The following HK3 variants were observed in gnomAD, a reference collection of about 807,000 sequenced individuals.
The protein encoded by HK3 is hexokinase-3.
Under a neutral mutation model 91.0 loss-of-function variants are expected in HK3, and 93 were observed. The observed-to-expected ratio is 1.02, with a 90% confidence interval of 0.86 to 1.21. The LOEUF (loss-of-function observed/expected upper bound fraction) is 1.21, where lower values mean the gene tolerates loss of function less well. Among genes scored for constraint, HK3 ranks in the 50% most tolerant of loss-of-function variants. The pLI, the probability that HK3 is intolerant of heterozygous loss-of-function variation, is 0.00. For synonymous variants in HK3, 519 were observed against 516.9 expected, an observed-to-expected ratio of 1.00 and a Z score of -0.06; for missense variants, 1,235 against 1,247.4, an observed-to-expected ratio of 0.99 and a Z score of 0.15.
At chr5:176,883,014 A>T (rs1758485544) in intron 15 of HK3, among the ~76,000 whole-genome samples, 1 of 152,156 alleles carries the variant, frequency 6.6e-6, no homozygotes, top group South Asian at 2.1e-4. Context: ...TCCCCAACAG[A>T]GCCAAATCCT....
intron 2 of HK3, among the ~76,000 whole-genome samples, chr5:176,892,181 A>G (rs1758794886): frequency 6.6e-6 from 1 of 152,244 alleles, no homozygotes; most frequent in Non-Finnish European, 1.5e-5. Flanking sequence ...GGTGGGAGAC[A>G]GAAATTAAGC....
Position 176,880,965 on chromosome 5 carries a change from T to C in HK3, c.*108A>G, listed in dbSNP as rs573646510. 119 of 1,317,052 alleles carry C rather than the reference T, an allele frequency of 9.0e-5. No individual in the cohort carries two copies. Among genetic ancestry groups the C allele is most frequent in the Non-Finnish European group, 1.2e-4 (114 of 984,424 alleles). The allele number at this position is 1,317,052 out of a possible 1,614,324, so 81.6% of individuals were successfully genotyped here. The stretch of plus-strand genomic sequence containing the variant: ...CAAATGGCCGCAGAGGGGTCACACA[T>C]GGGATGTCCCAGGAGTCCTGGGTGG... On this transcript the variant is annotated 3_prime_UTR_variant, in exon 19 of 19. Transcript: ENST00000292432.
chr5:176,893,023 G>A (rs550187646), intron 2 of HK3, among the ~76,000 whole-genome samples: 1 of 152,200 alleles, frequency 6.6e-6, no homozygotes, highest in Non-Finnish European at 1.5e-5. Context: ...AAGCCAAGCT[G>A]CAGACCCTGT....
In HK3 at chr5:176,899,330, C is replaced by A. The variant is rs866654029; in HGVS notation, c.-90G>T. 6.6e-6 allele frequency: 1 copy of A among 152,216 alleles called. No homozygotes were observed. The highest frequency in any genetic ancestry group is 2.4e-5 in the African/African-American group (1 of 41,430). 9.4% of individuals were successfully genotyped at this position (152,216 alleles called of 1,614,324 possible). A position where few individuals can be genotyped will look rare whatever the true frequency, so the allele number is the denominator to read the frequency against. On this transcript the variant is annotated 5_prime_UTR_variant, in exon 1 of 19. Transcript: ENST00000292432. Reference sequence around the variant, plus strand: ...AGCTCTTGTCTGGCAATATGAGGCACCCCAATGACCAAAAGCAACACTCAG... The same window carrying A: ...AGCTCTTGTCTGGCAATATGAGGCAACCCAATGACCAAAAGCAACACTCAG...
chr5:176,890,909 C>A lies in HK3; in HGVS notation c.447G>T (p.Glu149Asp), dbSNP rs747370923. Residue 149 changes from glutamate to aspartate, a missense_variant, in exon 5 of 19, where the codon GAG (glutamate) becomes GAT (aspartate). Glu to Asp is a conservative substitution (Grantham distance 45, BLOSUM62 2). Around this residue, in one of 3 missense-constraint regions of HK3, gnomAD observed 717 missense variants for 751.6 expected, o/e 0.95. Coordinates refer to ENST00000292432, the MANE Select transcript of HK3 (RefSeq NM_002115.3). ...LFDFAAHCLS[E>D]FLDAQPVNKQ... Reference sequence around the variant, plus strand: ...TGTTCACAGGCTGCGCATCCAGGAACTCAGACAGGCAGTGGGCAGCAAAGT... The same window carrying A: ...TGTTCACAGGCTGCGCATCCAGGAAATCAGACAGGCAGTGGGCAGCAAAGT... The A allele has an allele frequency of 1.2e-6, 2 of 1,614,052 alleles. No individual in the cohort carries two copies. The highest frequency in any genetic ancestry group is 2.2e-5 in the East Asian group (1 of 44,882).
In HK3 at chr5:176,889,538, C is replaced by T. The variant is rs1477754443; in HGVS notation, c.757G>A (p.Glu253Lys). Residue 253 changes from glutamate to lysine, a missense_variant, in exon 8 of 19, where the codon GAG becomes AAG. By Grantham distance (56) the Glu-to-Lys change is moderately conservative. Transcript: ENST00000292432. Reference sequence around the variant, plus strand: ...AGCACTGCCACATGCCGTGCCTCCTCCATGTAACACGCGTTGGTGCCCGTG... The same window carrying T: ...AGCACTGCCACATGCCGTGCCTCCTTCATGTAACACGCGTTGGTGCCCGTG... ...VDTGTNACYM[E>K]EARHVAVLDE... 1.9e-6 allele frequency: 3 copies of T among 1,614,198 alleles called. No homozygotes were observed. Among genetic ancestry groups the T allele is most frequent in the East Asian group, 2.2e-5 (1 of 44,882 alleles).
intron 8 of HK3, 113 bp from the exon 9 acceptor site, chr5:176,888,977 A>G (rs1247601326): frequency 1.6e-6 from 2 of 1,236,236 alleles, no homozygotes; most frequent in East Asian, 5.0e-5. Context: ...CCCAAACTGG[A>G]GACTCCAGAA....
At chr5:176,889,918 G>A (rs1758720883) in intron 6 of HK3, among the ~76,000 whole-genome samples, 174 bp from the exon 7 acceptor site, 1 of 152,124 alleles carries the variant, frequency 6.6e-6, no homozygotes, top group African/African-American at 2.4e-5. Flanking sequence ...CCACCTTATA[G>A]GAACTTTTCC....
chr5:176,893,635 G>A (rs1360095939), intron 2 of HK3, among the ~76,000 whole-genome samples: 7 of 152,226 alleles, frequency 4.6e-5, no homozygotes, highest in Non-Finnish European at 7.3e-5. Context: ...ATTGGGATGG[G>A]AGGGGCGTTT....
chr5:176,882,285 C>T lies in HK3; in HGVS notation c.2054-158G>A, dbSNP rs991608010. ...CCTGGTCCTTCTTCCTTCCCGACAT[C>T]CCTCGTGCAGACCCTGCCAGCTCCA... On this transcript the variant is annotated intron_variant, in intron 15 of 18. Transcript: ENST00000292432. 11 of 776,390 alleles carry T rather than the reference C, an allele frequency of 1.4e-5. No homozygotes were observed. The Admixed American group carries it at 2.6e-4, about 18-fold the overall frequency. The allele number at this position is 776,390 out of a possible 1,614,324, so 48.1% of individuals were successfully genotyped here. A position where few individuals can be genotyped will look rare whatever the true frequency, so the allele number is the denominator to read the frequency against.
intron 2 of HK3, among the ~76,000 whole-genome samples, chr5:176,892,756 G>A (rs184979153): frequency 1.2e-4 from 19 of 152,312 alleles, no homozygotes; most frequent in South Asian, 4.1e-4. Flanking sequence ...TAATAAGGCC[G>A]CTCCAGGGAG....
At position 176,881,365 on chromosome 5, in the gene HK3, C is replaced by T. The variant is rs763110830; in HGVS notation, c.2564G>A (p.Arg855Gln). Residue 855 changes from arginine to glutamine, a missense_variant, in exon 18 of 19, where the codon CGG becomes CAG. Coordinates refer to ENST00000292432, the MANE Select transcript of HK3 (RefSeq NM_002115.3). ...AGACACTGCCAGCTCTTCCAGGCCC[C>T]GGTTCTCCCGGATCTTCTCCACCAC... is the stretch of plus-strand genomic sequence containing the variant. ...AAVVEKIREN[R>Q]GLEELAVSVG... The T allele has an allele frequency of 1.4e-5, 22 of 1,613,876 alleles. No individual in the cohort carries two copies. The highest frequency in any genetic ancestry group is 4.0e-5 in the African/African-American group (3 of 74,930).
chr5:176,887,483 G>C lies in HK3; in HGVS notation c.1568C>G (p.Pro523Arg), dbSNP rs140304551. The change falls in exon 11 of 19, where the codon CCC becomes CGC. Residue 523 changes from proline to arginine, a missense_variant. Pro to Arg is a moderately radical substitution (Grantham distance 103). Around this residue, in one of 3 missense-constraint regions of HK3, gnomAD observed 717 missense variants for 751.6 expected, o/e 0.95. Coordinates refer to ENST00000292432, the MANE Select transcript of HK3 (RefSeq NM_002115.3). This position sits in a 1 kb window ranked among gnomAD's most constrained non-coding sequence, Gnocchi z 4.9. ...RGEASSLRML[P>R]TFVRATPDGS... ...GTCAGGGGTGGCCCGGACGAAAGTGGGCAGCATGCGAAGGGAGGAGGCCTC... is the reference window on the plus strand; with the variant it reads ...GTCAGGGGTGGCCCGGACGAAAGTGCGCAGCATGCGAAGGGAGGAGGCCTC... The C allele has an allele frequency of 8.7e-6, 14 of 1,613,194 alleles. No individual in the cohort carries two copies. In the Middle Eastern group the frequency reaches 6.6e-4, roughly 76 times the overall value.
chr5:176,885,315 C>A (rs1195622020), intron 13 of HK3, among the ~76,000 whole-genome samples: 1 of 152,222 alleles, frequency 6.6e-6, no homozygotes, highest in African/African-American at 2.4e-5. Context: ...CCTGAGTTCC[C>A]ACATCCCTGC....
At position 176,880,992 on chromosome 5, in the gene HK3, T is replaced by A; in HGVS notation, c.*81A>T. 1 of 1,465,730 alleles carries A rather than the reference T, an allele frequency of 6.8e-7. No homozygotes were observed. Among genetic ancestry groups the A allele is most frequent in the Non-Finnish European group, 9.1e-7 (1 of 1,103,648 alleles). 90.8% of individuals were successfully genotyped at this position (1,465,730 alleles called of 1,614,324 possible). A position where few individuals can be genotyped will look rare whatever the true frequency, so the allele number is the denominator to read the frequency against. On this transcript the variant is annotated 3_prime_UTR_variant, in exon 19 of 19. Coordinates refer to ENST00000292432, the MANE Select transcript of HK3 (RefSeq NM_002115.3). ...GGATGTCCCAGGAGTCCTGGGTGGC[T>A]GGGCCTGGCTGGGAAACAGGCAGAC...
intron 15 of HK3, among the ~76,000 whole-genome samples, chr5:176,883,472 A>G (rs1286927842): frequency 1.3e-5 from 2 of 152,200 alleles, no homozygotes; most frequent in Non-Finnish European, 1.5e-5. Context: ...AAGGTCATAC[A>G]GGTGGAAACA....
At chr5:176,890,597 A>T in intron 6 of HK3, 38 bp downstream of exon 6, 1 of 1,581,760 alleles carries the variant, frequency 6.3e-7, no homozygotes, top group Non-Finnish European at 8.7e-7. Flanking sequence ...GCCCAGGCCA[A>T]CATGGGCAGC....
chr5:176,887,471 C>T lies in HK3; in HGVS notation c.1580G>A (p.Arg527Gln), dbSNP rs766356752. 6.8e-6 allele frequency: 11 copies of T among 1,612,386 alleles called. No individual in the cohort carries two copies. Among genetic ancestry groups the T allele is most frequent in the South Asian group, 1.1e-5 (1 of 91,062 alleles). Reference protein sequence around the residue: ...SSLRMLPTFVRATPDGSERGD... With the variant: ...SSLRMLPTFVQATPDGSERGD... ...CTTACCGCTGCCGTCAGGGGTGGCCCGGACGAAAGTGGGCAGCATGCGAAG... is the reference window on the plus strand; with the variant it reads ...CTTACCGCTGCCGTCAGGGGTGGCCTGGACGAAAGTGGGCAGCATGCGAAG... The change falls in exon 11 of 19, where the codon CGG becomes CAG. Residue 527 changes from arginine (R) to glutamine (Q), a missense_variant. This residue lies in a region of HK3 where 717 missense variants were observed against 751.6 expected (regional missense o/e 0.95). Coordinates refer to ENST00000292432, the MANE Select transcript of HK3 (RefSeq NM_002115.3). This position sits in a 1 kb window ranked among gnomAD's most constrained non-coding sequence, Gnocchi z 4.9.
At position 176,888,437 on chromosome 5, in the gene HK3, G is replaced by A. The variant is rs1298827740; in HGVS notation, c.1199C>T (p.Ala400Val). The A allele has an allele frequency of 5.1e-6, 8 of 1,558,678 alleles. No individual in the cohort carries two copies. The highest frequency in any genetic ancestry group is 7.0e-6 in the Non-Finnish European group (8 of 1,150,784). ...GGAGAGAACAGCGGCCAGGGCGGCA[G>A]CACAGAGCTGGGCAGCCCGCGTGCA... Reference protein sequence around the residue: ...AVCTRAAQLCAAALAAVLSCL... With the variant: ...AVCTRAAQLCVAALAAVLSCL... Residue 400 changes from alanine (A) to valine (V), a missense_variant, in exon 10 of 19, where the codon GCT becomes GTT. Ala to Val is a moderately conservative substitution (Grantham distance 64). This residue lies in a region of HK3 where 717 missense variants were observed against 751.6 expected (regional missense o/e 0.95). Coordinates refer to ENST00000292432, the MANE Select transcript of HK3 (RefSeq NM_002115.3).
Sources: allele counts gnomAD v4.1 joint callset (sites outside exome capture counted in the v4.1 genomes callset), GRCh38; gene constraint gnomAD v4.1.1; regional missense constraint gnomAD v4.1.1; non-coding constraint Gnocchi (gnomAD v3.1); transcripts MANE v1.5; gene names NCBI Gene and HGNC (gene_info 2026-07-23, HGNC 2026-07-21).